The following PPP3CC variants were observed in gnomAD, a reference collection of about 807,000 sequenced individuals.
PPP3CC encodes the protein serine/threonine-protein phosphatase 2B catalytic subunit gamma isoform.
A neutral mutation model predicts 60.3 loss-of-function variants in PPP3CC; 35 were observed. The ratio of observed to expected loss-of-function variants is 0.58; its 90% CI spans 0.44 to 0.77. The LOEUF is 0.77. Among genes scored for constraint, PPP3CC ranks in the 30% least tolerant of loss-of-function variants. The probability of loss-of-function intolerance (pLI) is 0.00; values close to 1 mark genes in which losing one functional copy is unlikely to be tolerated. For synonymous variants in PPP3CC, 206 were observed against 224.3 expected, an observed-to-expected ratio of 0.92 and a Z score of 0.73; for missense variants, 570 against 628.9, an observed-to-expected ratio of 0.91 and a Z score of 1.00.
chr8:22,457,017 CT>C (rs1250706833), intron 1 of PPP3CC, among the ~76,000 whole-genome samples: 7 of 31,944 alleles, frequency 2.2e-4, no homozygotes, highest in African/African-American at 8.9e-4. Context: ...CCCTCCCTCC[CT>C]TCCTCCCTTC....
chr8:22,504,440 T>C (rs1437188820), intron 4 of PPP3CC, among the ~76,000 whole-genome samples: 4 of 152,086 alleles, frequency 2.6e-5, no homozygotes, highest in East Asian at 1.9e-4. Context: ...TAGCTGGGAC[T>C]GTAGGTGTGT....
At chr8:22,477,978 G>A (rs1006311636) in intron 3 of PPP3CC, among the ~76,000 whole-genome samples, 1 of 152,156 alleles carries the variant, frequency 6.6e-6, no homozygotes, top group Non-Finnish European at 1.5e-5. Flanking sequence ...AGCCTCCCAA[G>A]TAGTTGGGAT....
intron 1 of PPP3CC, among the ~76,000 whole-genome samples, chr8:22,450,434 C>G (rs868535126): frequency 3.3e-5 from 5 of 152,214 alleles, no homozygotes; most frequent in Admixed American, 1.3e-4. Flanking sequence ...GTCACTGATT[C>G]AGATGACCAG....
chr8:22,533,084 C>CT, intron 12 of PPP3CC, 66 bp downstream of exon 12: 1 of 1,205,392 alleles, frequency 8.3e-7, no homozygotes, highest in Non-Finnish European at 1.1e-6. Context: ...CACACACTTA[C>CT]AAATGGGGGC....
At chr8:22,472,032 A>C (rs553439772) in intron 1 of PPP3CC, among the ~76,000 whole-genome samples, 5 of 152,176 alleles carry the variant, frequency 3.3e-5, no homozygotes, top group African/African-American at 1.2e-4. Context: ...TGGGAGGCTG[A>C]GGTGAGAGGA....
At chr8:22,471,754 C>A (rs993544444) in intron 1 of PPP3CC, among the ~76,000 whole-genome samples, 1 of 151,992 alleles carries the variant, frequency 6.6e-6, no homozygotes, top group Admixed American at 6.6e-5. Flanking sequence ...AATGTGAGGG[C>A]CTAGGACATT....
chr8:22,476,306 CAAAT>C, intron 3 of PPP3CC, among the ~76,000 whole-genome samples: 1 of 152,232 alleles, frequency 6.6e-6, no homozygotes. Context: ...TACATGCTGG[CAAAT>C]AAAAGAGAAA....
chr8:22,509,472 AC>A (rs1839020145), intron 4 of PPP3CC, among the ~76,000 whole-genome samples: 1 of 152,192 alleles, frequency 6.6e-6, no homozygotes, highest in Admixed American at 6.5e-5. Context: ...CGTCTTCTCT[AC>A]CCACACACAT....
At chr8:22,492,689 A>G (rs1034346056) in intron 3 of PPP3CC, 9 of 849,656 alleles carry the variant, frequency 1.1e-5, no homozygotes, top group African/African-American at 1.7e-5. Context: ...TGGGAAAGAA[A>G]TGGTTCACAG....
intron 1 of PPP3CC, among the ~76,000 whole-genome samples, chr8:22,451,407 A>G (rs1837021032): frequency 6.6e-6 from 1 of 152,214 alleles, no homozygotes. Context: ...AAGTGCTGGG[A>G]TTACAGGCGT....
chr8:22,540,484 T>C, intron 13 of PPP3CC, 131 bp from the exon 14 acceptor site: 1 of 861,894 alleles, frequency 1.2e-6, no homozygotes, highest in African/African-American at 1.7e-5. Context: ...TGACTTTCAC[T>C]AGACGTGTGC....
chr8:22,448,598 C>T (rs935627923), intron 1 of PPP3CC, among the ~76,000 whole-genome samples: 1 of 151,912 alleles, frequency 6.6e-6, no homozygotes. Flanking sequence ...AGGCTGGTCT[C>T]GAGCTCCCGA....
intron 1 of PPP3CC, among the ~76,000 whole-genome samples, chr8:22,461,327 T>G (rs576950658): frequency 6.6e-6 from 1 of 152,178 alleles, no homozygotes; most frequent in Non-Finnish European, 1.5e-5. Flanking sequence ...GCTGGCTGGT[T>G]TTCTAGAATT....
Position 22,475,087 on chromosome 8 carries a change from CAAT to C in PPP3CC, c.184_186del (p.Asn62del). ...AAGAGGAAGTAGCCTTAAAGATAAT[CAAT>C]GATGGGGCTGCCATCCTGAGGCAAG... On this transcript the variant is annotated inframe_deletion, in exon 2 of 14. Coordinates refer to ENST00000240139, the MANE Select transcript of PPP3CC (RefSeq NM_005605.5). 1 of 1,613,702 alleles carries C rather than the reference CAAT, an allele frequency of 6.2e-7. No individual in the cohort carries two copies. Among genetic ancestry groups the C allele is most frequent in the African/African-American group, 1.3e-5 (1 of 75,004 alleles).
In PPP3CC at chr8:22,532,970, A is replaced by G. The variant is rs1586872877; in HGVS notation, c.1273A>G (p.Thr425Ala). The G allele has an allele frequency of 6.2e-7, 1 of 1,606,980 alleles. No homozygotes were observed. The highest frequency in any genetic ancestry group is 8.5e-7 in the Non-Finnish European group (1 of 1,176,348). The change falls in exon 12 of 14, where the codon ACA becomes GCA. Residue 425 changes from threonine (T) to alanine (A), a missense_variant. Thr to Ala is a moderately conservative substitution (Grantham distance 58). Transcript: ENST00000240139. ...LTLKGLTPTG[T>A]LPLGVLSGGK... ...TCTCAAGGGCCTGACTCCCACAGGC[A>G]CACTCCCTCTGGGCGTCCTCTCAGG...
intron 4 of PPP3CC, among the ~76,000 whole-genome samples, chr8:22,506,226 A>T (rs1198005319): frequency 2.0e-5 from 3 of 151,748 alleles, no homozygotes; most frequent in South Asian, 4.2e-4. Context: ...GCTTGAGCCC[A>T]AGAGTTTGAG....
At chr8:22,539,681 A>G (rs1445465322) in intron 13 of PPP3CC, among the ~76,000 whole-genome samples, 183 bp downstream of exon 13, 1 of 152,176 alleles carries the variant, frequency 6.6e-6, no homozygotes, top group Non-Finnish European at 1.5e-5. Context: ...CTTTGCATTA[A>G]TTTTAAATAA....
chr8:22,467,571 G>A (rs1316769345), intron 1 of PPP3CC, among the ~76,000 whole-genome samples: 1 of 151,784 alleles, frequency 6.6e-6, no homozygotes, highest in African/African-American at 2.4e-5. Flanking sequence ...GCCTCCTGAG[G>A]CAAGCACGCG....
At chr8:22,493,602 C>T (rs1252441983) in intron 3 of PPP3CC, among the ~76,000 whole-genome samples, 2 of 152,006 alleles carry the variant, frequency 1.3e-5, no homozygotes, top group Admixed American at 6.6e-5. Context: ...CACGTGCGCA[C>T]GCATCTAGGC....
Sources: gnomAD v4.1 joint callset for allele counts (sites outside exome capture counted in the v4.1 genomes callset) on GRCh38, gnomAD v4.1.1 for gene constraint, MANE v1.5 for transcripts, NCBI Gene and HGNC (gene_info 2026-07-23, HGNC 2026-07-21) for gene names.